DLGAP4: variants seen among roughly 807,000 people sequenced by gnomAD.
DLGAP4 encodes DLG associated protein 4.
In DLGAP4, 18 loss-of-function variants were observed where a neutral mutation model predicts 86.9. The ratio of observed to expected loss-of-function variants is 0.21; its 90% CI spans 0.14 to 0.31. The LOEUF is 0.31. DLGAP4 is among the 10% of genes least tolerant of loss of function. The pLI is 1.00. For missense variants in DLGAP4, 1,085 were observed against 1,362.6 expected, an observed-to-expected ratio of 0.80 and a Z score of 3.21; for synonymous variants, 548 against 574.3, an observed-to-expected ratio of 0.95 and a Z score of 0.65.
intron 7 of DLGAP4, among the ~76,000 whole-genome samples, chr20:36,496,018 A>G (rs1402606281): frequency 6.6e-6 from 1 of 152,170 alleles, no homozygotes; most frequent in African/African-American, 2.4e-5. Flanking sequence ...GATTACAGGC[A>G]TGCGCCACCA....
chr20:36,351,778 G>T (rs1262082392), intron 1 of DLGAP4, among the ~76,000 whole-genome samples: 1 of 152,018 alleles, frequency 6.6e-6, no homozygotes, highest in Non-Finnish European at 1.5e-5. Flanking sequence ...TGATTTGTTC[G>T]ATGGATATTT....
At chr20:36,422,717 G>A (rs1015521297) in intron 2 of DLGAP4, among the ~76,000 whole-genome samples, 11 of 152,184 alleles carry the variant, frequency 7.2e-5, no homozygotes, top group African/African-American at 2.4e-4. Context: ...GTCTCACTCT[G>A]GCATGTGGGG....
chr20:36,378,008 T>A (rs953318511), intron 2 of DLGAP4, among the ~76,000 whole-genome samples: 1 of 152,186 alleles, frequency 6.6e-6, no homozygotes, highest in Non-Finnish European at 1.5e-5. Context: ...AGCACTGTTC[T>A]ACAGCCTTGC....
intron 7 of DLGAP4, among the ~76,000 whole-genome samples, chr20:36,489,711 C>T (rs1483820804): frequency 1.3e-5 from 2 of 151,832 alleles, no homozygotes; most frequent in African/African-American, 4.8e-5. Context: ...CTCCAGATCA[C>T]GGGGAGAAGG....
In DLGAP4 at chr20:36,436,164, A is replaced by T. The variant is rs1439209849; in HGVS notation, c.1055A>T (p.Asp352Val). ...STTLLSPRET[D>V]AAAEGPIPCR... ...ACGCTGCTGTCCCCACGCGAGACGG[A>T]TGCCGCGGCCGAGGGCCCTATCCCG... Residue 352 changes from aspartate (D) to valine (V), a missense_variant, in exon 4 of 13, where the codon GAT becomes GTT. Coordinates refer to ENST00000339266, the MANE Select transcript of DLGAP4 (RefSeq NM_001365621.2). 6.3e-6 allele frequency: 10 copies of T among 1,596,718 alleles called. No homozygotes were observed. The highest frequency in any genetic ancestry group is 3.4e-5 in the Admixed American group (2 of 59,420).
At chr20:36,437,907 CT>C (rs2033333091) in intron 4 of DLGAP4, among the ~76,000 whole-genome samples, 1 of 152,206 alleles carries the variant, frequency 6.6e-6, no homozygotes, top group African/African-American at 2.4e-5. Flanking sequence ...GTTTCTCCAT[CT>C]TTTTTGTGGG....
intron 2 of DLGAP4, among the ~76,000 whole-genome samples, chr20:36,421,221 C>T (rs554092613): frequency 2.6e-5 from 4 of 152,010 alleles, no homozygotes; most frequent in East Asian, 1.9e-4. Context: ...TTTGGGAGGC[C>T]GAGGCAGGGA....
chr20:36,343,458 G>A, intron 1 of DLGAP4, among the ~76,000 whole-genome samples: 1 of 152,150 alleles, frequency 6.6e-6, no homozygotes. Context: ...CCAACTTTAT[G>A]ATGTGCTCAA....
chr20:36,411,204 G>A (rs1415438341), intron 2 of DLGAP4, among the ~76,000 whole-genome samples: 2 of 152,114 alleles, frequency 1.3e-5, no homozygotes, highest in African/African-American at 4.8e-5. Context: ...TGGCCAGGCT[G>A]GTCTCAAACT....
chr20:36,516,975 C>T (rs1475632226), intron 10 of DLGAP4, among the ~76,000 whole-genome samples: 3 of 148,864 alleles, frequency 2.0e-5, no homozygotes, highest in Middle Eastern at 3.2e-3. Flanking sequence ...AAAATACAGC[C>T]GGGTGCGGTG....
intron 2 of DLGAP4, among the ~76,000 whole-genome samples, chr20:36,376,806 C>T (rs2031173267): frequency 6.6e-6 from 1 of 152,158 alleles, no homozygotes; most frequent in African/African-American, 2.4e-5. Context: ...CCTTGTGGAG[C>T]CTCAGTTTTC....
chr20:36,513,554 CAAAAAAAAAAAAAAA>C (rs562398294), intron 10 of DLGAP4, among the ~76,000 whole-genome samples: 2 of 40,552 alleles, frequency 4.9e-5, no homozygotes, highest in Non-Finnish European at 9.6e-5. Flanking sequence ...GACTCCGTCT[CAAAAAAAAAAAAAAA>C]AAAAAAAAAA....
At chr20:36,334,081 C>T (rs145053971) in intron 1 of DLGAP4, among the ~76,000 whole-genome samples, 43 of 152,318 alleles carry the variant, frequency 2.8e-4, no homozygotes, top group Non-Finnish European at 2.8e-4. Flanking sequence ...GCTCTGTGTG[C>T]CAGGCACAGG....
intron 1 of DLGAP4, among the ~76,000 whole-genome samples, chr20:36,349,104 C>CAAAAAA (rs539585564): frequency 3.8e-4 from 15 of 39,896 alleles, no homozygotes; most frequent in Non-Finnish European, 5.1e-4. Context: ...GACTCCATCT[C>CAAAAAA]AAAAAAAAAA....
At chr20:36,324,778 T>G (rs1230148217) in intron 1 of DLGAP4, among the ~76,000 whole-genome samples, 1 of 152,242 alleles carries the variant, frequency 6.6e-6, no homozygotes, top group Non-Finnish European at 1.5e-5. Context: ...ATCTGTAGAC[T>G]CTGTAGTGAT....
chr20:36,383,993 A>T (rs2031501276), intron 2 of DLGAP4, among the ~76,000 whole-genome samples: 1 of 152,002 alleles, frequency 6.6e-6, no homozygotes. Context: ...CAAAAAAAAA[A>T]AAAAAAAGAA....
intron 7 of DLGAP4, among the ~76,000 whole-genome samples, chr20:36,482,504 A>C (rs2035232269): frequency 6.6e-6 from 1 of 152,130 alleles, no homozygotes; most frequent in Admixed American, 6.5e-5. Flanking sequence ...CGTATGATAC[A>C]GCCAGTATTT....
At chr20:36,505,399 G>A (rs962473587) in intron 10 of DLGAP4, among the ~76,000 whole-genome samples, 3 of 152,128 alleles carry the variant, frequency 2.0e-5, no homozygotes, top group African/African-American at 7.2e-5. Flanking sequence ...AAGATAAACA[G>A]TTGAGGCACT....
chr20:36,391,806 G>A (rs992314731), intron 2 of DLGAP4, among the ~76,000 whole-genome samples: 24 of 152,180 alleles, frequency 1.6e-4, no homozygotes, highest in Admixed American at 6.5e-4. Context: ...TGTTAATGCC[G>A]TCTCCAATGC....
Sources: allele counts gnomAD v4.1 joint callset (sites outside exome capture counted in the v4.1 genomes callset), GRCh38; gene constraint gnomAD v4.1.1; transcripts MANE v1.5; gene names NCBI Gene and HGNC (gene_info 2026-07-23, HGNC 2026-07-21).